Variants in PAG1 observed in about 807,000 individuals in gnomAD.
The protein encoded by PAG1 is phosphoprotein membrane anchor with glycosphingolipid microdomains 1.
In PAG1, 23 loss-of-function variants were observed where a neutral mutation model predicts 31.7. The observed-to-expected ratio is 0.73, with a 90% CI of 0.52 to 1.03. PAG1 has a LOEUF of 1.03. Among genes scored for constraint, PAG1 ranks in the 50% least tolerant of loss-of-function variants. The pLI is 0.00. For missense variants in PAG1, 473 were observed against 540.7 expected, an observed-to-expected ratio of 0.87 and a Z score of 1.24; for synonymous variants, 214 against 210.3, an observed-to-expected ratio of 1.02 and a Z score of -0.15.
chr8:81,102,418 C>CT (rs1458901363), intron 1 of PAG1, among the ~76,000 whole-genome samples: 2 of 152,118 alleles, frequency 1.3e-5, no homozygotes, highest in African/African-American at 4.8e-5. Flanking sequence ...TTGGATTCAA[C>CT]TTTTCCTACC....
chr8:81,003,047 T>C (rs1807814902), intron 3 of PAG1, among the ~76,000 whole-genome samples: 1 of 152,110 alleles, frequency 6.6e-6, no homozygotes, highest in African/African-American at 2.4e-5. Context: ...CCAAGGGTGG[T>C]CCCAGTTAGC....
intron 1 of PAG1, among the ~76,000 whole-genome samples, chr8:81,086,513 G>A (rs754656456): frequency 2.0e-5 from 3 of 151,060 alleles, no homozygotes; most frequent in East Asian, 1.9e-4. Context: ...GTGCGCGCGC[G>A]TGTGTGTGTG....
chr8:80,991,993 A>T (rs947081950), intron 4 of PAG1, among the ~76,000 whole-genome samples: 5 of 151,846 alleles, frequency 3.3e-5, no homozygotes, highest in Non-Finnish European at 7.4e-5. Context: ...AGTCATATGT[A>T]CTTCCAGTCT....
At chr8:81,032,256 A>G (rs1326297001) in intron 2 of PAG1, among the ~76,000 whole-genome samples, 1 of 152,204 alleles carries the variant, frequency 6.6e-6, no homozygotes, top group African/African-American at 2.4e-5. Flanking sequence ...AAAGGACAAT[A>G]TTAAGAGAAT....
rs117164354 is a variant in PAG1, at chr8:80,995,024, G to A, written c.-80-1717C>T. On this transcript the variant is annotated intron_variant, in intron 3 of 8. Transcript: ENST00000220597. ...TCAAGACGGCAGGGGTGGCTTCGCA[G>A]CAAACCAGGGTGCCTCCTAAAACGG... Among the ~76,000 whole-genome samples the A allele has an allele frequency of 1.6e-3, 250 of 152,348 alleles. 6 individuals carry two copies. In the East Asian group the frequency reaches 0.041, roughly 25 times the overall value.
chr8:80,998,720 A>G (rs1807731941), intron 3 of PAG1, among the ~76,000 whole-genome samples: 1 of 152,240 alleles, frequency 6.6e-6, no homozygotes, highest in Non-Finnish European at 1.5e-5. Flanking sequence ...ATAATTTGGT[A>G]GAGATGGGAT....
chr8:81,096,468 G>T (rs1448893930), intron 1 of PAG1, among the ~76,000 whole-genome samples: 3 of 152,154 alleles, frequency 2.0e-5, no homozygotes, highest in African/African-American at 7.2e-5. Flanking sequence ...ACTACAAAAA[G>T]ATGACAGCTC....
At chr8:81,080,301 G>T (rs916212550) in intron 1 of PAG1, among the ~76,000 whole-genome samples, 1 of 152,056 alleles carries the variant, frequency 6.6e-6, no homozygotes, top group Non-Finnish European at 1.5e-5. Flanking sequence ...TTCTATGGGG[G>T]TCTTAAGTTT....
In PAG1 at chr8:81,079,323, G is replaced by A. The variant is rs899728597; in HGVS notation, c.-233-9153C>T. On this transcript the variant is annotated intron_variant, in intron 1 of 8. Coordinates refer to ENST00000220597, the MANE Select transcript of PAG1 (RefSeq NM_018440.4). ...GGCAGCCTCCAGTCATCTACTCCTC[G>A]ACTGGAAAAAAACAAAAACAAAAAC... Among the ~76,000 whole-genome samples the A allele has an allele frequency of 3.3e-5, 5 of 151,908 alleles. 1 individual carries two copies. Among genetic ancestry groups the A allele is most frequent in the South Asian group, 4.1e-4 (2 of 4,824 alleles).
chr8:81,091,822 AAAGAAGAAGAAG>A (rs138634354), intron 1 of PAG1, among the ~76,000 whole-genome samples: 1 of 149,272 alleles, frequency 6.7e-6, no homozygotes, highest in Admixed American at 6.6e-5. Context: ...CAGGATGAAG[AAAGAAGAAGAAG>A]AAGAAGAAGA....
chr8:81,029,358 T>A (rs907530899), intron 3 of PAG1, among the ~76,000 whole-genome samples: 4 of 151,096 alleles, frequency 2.6e-5, no homozygotes, highest in African/African-American at 9.8e-5. Flanking sequence ...TCTCTCTCTC[T>A]CTCTCTCACA....
At chr8:81,096,044 C>T (rs564066315) in intron 1 of PAG1, among the ~76,000 whole-genome samples, 18 of 152,290 alleles carry the variant, frequency 1.2e-4, no homozygotes, top group African/African-American at 3.4e-4. Flanking sequence ...TGGATATTCA[C>T]GTAAATTTCA....
intron 1 of PAG1, among the ~76,000 whole-genome samples, chr8:81,074,861 C>T (rs1809152061): frequency 6.6e-6 from 1 of 152,208 alleles, no homozygotes; most frequent in African/African-American, 2.4e-5. Flanking sequence ...TCTGTTTCCC[C>T]TTCAAACAGC....
At chr8:80,997,114 T>A (rs1278704001) in intron 3 of PAG1, among the ~76,000 whole-genome samples, 1 of 152,236 alleles carries the variant, frequency 6.6e-6, no homozygotes, top group Non-Finnish European at 1.5e-5. Flanking sequence ...AAGTAAGTTA[T>A]GTCTTGACTA....
At chr8:81,006,401 C>T (rs1807877760) in intron 3 of PAG1, among the ~76,000 whole-genome samples, 1 of 152,214 alleles carries the variant, frequency 6.6e-6, no homozygotes, top group African/African-American at 2.4e-5. Context: ...CACTGAAGTG[C>T]CACCTCTTCC....
At chr8:81,068,954 G>C (rs1310968728) in intron 2 of PAG1, among the ~76,000 whole-genome samples, 1 of 152,208 alleles carries the variant, frequency 6.6e-6, no homozygotes, top group African/African-American at 2.4e-5. Context: ...AGCTCTAGTG[G>C]AAATGGAAAT....
intron 2 of PAG1, among the ~76,000 whole-genome samples, chr8:81,052,636 A>T (rs1487388358): frequency 6.6e-6 from 1 of 152,246 alleles, no homozygotes; most frequent in Non-Finnish European, 1.5e-5. Flanking sequence ...TTAATATATT[A>T]CATAATCATT....
intron 3 of PAG1, among the ~76,000 whole-genome samples, chr8:81,020,695 G>A (rs894643756): frequency 3.3e-5 from 5 of 152,096 alleles, no homozygotes; most frequent in Admixed American, 6.5e-5. Flanking sequence ...ACTAATACAC[G>A]TGGCAATAGG....
intron 3 of PAG1, among the ~76,000 whole-genome samples, chr8:81,013,824 C>T (rs1032105268): frequency 7.9e-5 from 12 of 152,186 alleles, no homozygotes; most frequent in African/African-American, 2.9e-4. Flanking sequence ...AAGTGATTCG[C>T]CCGCCTCAGC....
Sources: gnomAD v4.1 joint callset for allele counts (sites outside exome capture counted in the v4.1 genomes callset) on GRCh38, gnomAD v4.1.1 for gene constraint, MANE v1.5 for transcripts, NCBI Gene and HGNC (gene_info 2026-07-23, HGNC 2026-07-21) for gene names.